CRB1: variants seen among roughly 807,000 people sequenced by gnomAD.
CRB1 encodes protein crumbs homolog 1.
Under a neutral mutation model 120.0 loss-of-function variants are expected in CRB1, and 83 were observed. The ratio of observed to expected loss-of-function variants is 0.69; its 90% CI spans 0.58 to 0.83. The LOEUF is 0.83. Ranked by LOEUF, CRB1 falls within the 40% of genes least tolerant of loss-of-function variation. The pLI is 0.00. For synonymous variants in CRB1, 625 were observed against 612.5 expected (o/e 1.02, Z -0.30); for missense variants, 1,699 against 1,687.6 (o/e 1.01, Z -0.12).
intron 5 of CRB1, chr1:197,413,830 C>T (rs960293734): frequency 6.4e-5 from 28 of 435,832 alleles, no homozygotes; most frequent in Non-Finnish European, 1.2e-4. Context: ...TCTCTACCTG[C>T]GAGAAAGAGG....
At chr1:197,222,773 A>C in the CRB1 span, 1 of 1,152,706 alleles carries the variant, frequency 8.7e-7, no homozygotes, top group Non-Finnish European at 1.3e-6. Flanking sequence ...CTGAACTCCA[A>C]GTGCTACATG....
chr1:197,327,134 A>G (rs1658563514), intron 1 of CRB1, among the ~76,000 whole-genome samples: 1 of 146,974 alleles, frequency 6.8e-6, no homozygotes, highest in African/African-American at 2.5e-5. Context: ...AAAAAAAAAC[A>G]GAAACCAAGG....
intron 1 of CRB1, among the ~76,000 whole-genome samples, chr1:197,302,829 A>G (rs1418297051): frequency 6.6e-6 from 1 of 152,208 alleles, no homozygotes; most frequent in Non-Finnish European, 1.5e-5. Context: ...AACACATCAA[A>G]TTAAAATCAG....
chr1:197,252,653 C>CATAT, the CRB1 span, among the ~76,000 whole-genome samples: 2 of 135,038 alleles, frequency 1.5e-5, no homozygotes, highest in African/African-American at 5.4e-5. Context: ...CACACACACA[C>CATAT]ATATATATAA....
intron 5 of CRB1, among the ~76,000 whole-genome samples, chr1:197,385,689 G>T (rs1427451515): frequency 6.6e-6 from 1 of 151,896 alleles, no homozygotes; most frequent in Non-Finnish European, 1.5e-5. Flanking sequence ...GGATTGCAGG[G>T]GACTATAGAG....
chr1:197,387,817 A>G (rs958685182), intron 5 of CRB1, among the ~76,000 whole-genome samples: 2 of 152,016 alleles, frequency 1.3e-5, no homozygotes, highest in African/African-American at 4.8e-5. Flanking sequence ...AGAAAGGAAA[A>G]AAACACAAAA....
At chr1:197,364,311 T>C (rs1660948278) in intron 5 of CRB1, among the ~76,000 whole-genome samples, 1 of 152,234 alleles carries the variant, frequency 6.6e-6, no homozygotes, top group Non-Finnish European at 1.5e-5. Context: ...GCTTTCAGTA[T>C]TTTTTCTTTG....
intron 5 of CRB1, among the ~76,000 whole-genome samples, chr1:197,395,227 G>A (rs1662713113): frequency 1.3e-5 from 2 of 152,114 alleles, no homozygotes; most frequent in African/African-American, 2.4e-5. Flanking sequence ...ATGTAAATTA[G>A]TAAATGTTAT....
At chr1:197,437,102 T>C (rs540455497) in intron 9 of CRB1, among the ~76,000 whole-genome samples, 93 of 152,214 alleles carry the variant, frequency 6.1e-4, no homozygotes, top group African/African-American at 2.1e-3. Context: ...AATTGAGTCA[T>C]TATGGGGAGG....
At chr1:197,318,181 G>GA (rs1657967114) in intron 1 of CRB1, among the ~76,000 whole-genome samples, 1 of 152,100 alleles carries the variant, frequency 6.6e-6, no homozygotes, top group Non-Finnish European at 1.5e-5. Flanking sequence ...ATGAGCGAAA[G>GA]ACTTGAGTAG....
the CRB1 span, among the ~76,000 whole-genome samples, chr1:197,237,392 T>TG: frequency 6.6e-6 from 1 of 152,288 alleles, no homozygotes; most frequent in South Asian, 2.1e-4. Context: ...GGCATCTTCT[T>TG]GCAGCATCCT....
the CRB1 span, among the ~76,000 whole-genome samples, chr1:197,245,819 T>A: frequency 6.6e-6 from 1 of 152,076 alleles, no homozygotes; most frequent in Admixed American, 6.6e-5. Flanking sequence ...GTTCCTTACA[T>A]GATCTATGCT....
Position 197,429,135 on chromosome 1 carries a change from T to G in CRB1, c.2677-314T>G, listed in dbSNP as rs1306269544. ...TAAGAATCCCTTCCTCAAATGATAATTAGTGCATGTGAAAAAGTGCCTGGT... is the reference window on the plus strand; with the variant it reads ...TAAGAATCCCTTCCTCAAATGATAAGTAGTGCATGTGAAAAAGTGCCTGGT... On this transcript the variant is annotated intron_variant, in intron 7 of 11. Coordinates refer to ENST00000367400, the MANE Select transcript of CRB1 (RefSeq NM_201253.3). The G allele has an allele frequency of 1.5e-5, 23 of 1,532,734 alleles. No homozygotes were observed. In the East Asian group the frequency reaches 4.4e-4, roughly 29 times the overall value. 94.9% of individuals were successfully genotyped at this position (1,532,734 alleles called of 1,614,324 possible). A position where few individuals can be genotyped will look rare whatever the true frequency, so the allele number is the denominator to read the frequency against.
Position 197,426,083 on chromosome 1 carries a change from C to A in CRB1, c.2129-1371C>A, listed in dbSNP as rs185955381. Among the ~76,000 whole-genome samples, 14 of 151,996 alleles carry A rather than the reference C, an allele frequency of 9.2e-5. No individual in the cohort carries two copies. In the South Asian group the frequency reaches 1.7e-3, roughly 18 times the overall value. On this transcript the variant is annotated intron_variant, in intron 6 of 11. Transcript: ENST00000367400. ...ATGGACTCCCACCTCACCCAAAAAT[C>A]TTTTCCTCCAGTTTTCTTCCGTATC...
chr1:197,240,376 C>T, the CRB1 span, among the ~76,000 whole-genome samples: 1 of 152,118 alleles, frequency 6.6e-6, no homozygotes, highest in Non-Finnish European at 1.5e-5. Context: ...TATGCCCCCA[C>T]CCTTTGACAG....
Position 197,368,804 on chromosome 1 carries a change from C to T in CRB1, c.1171+11791C>T, listed in dbSNP as rs746226805. On this transcript the variant is annotated intron_variant, in intron 5 of 11. Transcript: ENST00000367400. ...TTCAACTTAAGTATGCTGACCAATA[C>T]GTATTAGAAAAAATTTCTGAAACTA... Among the ~76,000 whole-genome samples the T allele has an allele frequency of 5.3e-5, 8 of 152,184 alleles. 1 individual carries two copies. The highest frequency in any genetic ancestry group is 6.5e-5 in the Admixed American group (1 of 15,290).
intron 11 of CRB1, among the ~76,000 whole-genome samples, chr1:197,463,854 C>G (rs563386136): frequency 5.3e-5 from 8 of 152,222 alleles, no homozygotes. Flanking sequence ...GAAAGATTAA[C>G]TACCTGGATC....
chr1:197,357,330 T>G, intron 5 of CRB1: 1 of 393,306 alleles, frequency 2.5e-6, no homozygotes, highest in Non-Finnish European at 4.7e-6. Flanking sequence ...GCTATCAAAT[T>G]TGATAATGAT....
At chr1:197,440,306 T>A (rs939192239) in intron 10 of CRB1, 2 of 152,236 alleles carry the variant, frequency 1.3e-5, no homozygotes, top group Non-Finnish European at 2.9e-5. Context: ...TGTCTTCTGA[T>A]ATTTATTAGT....
Sources: gnomAD v4.1 joint callset for allele counts (sites outside exome capture counted in the v4.1 genomes callset) on GRCh38, gnomAD v4.1.1 for gene constraint, MANE v1.5 for transcripts, NCBI Gene and HGNC (gene_info 2026-07-23, HGNC 2026-07-21) for gene names.